Variants in PPFIA2 observed in about 807,000 individuals in gnomAD.
The protein encoded by PPFIA2 is liprin-alpha-2.
Under a neutral mutation model 175.5 loss-of-function variants are expected in PPFIA2, and 46 were observed. The observed-to-expected ratio is 0.26, with a 90% confidence interval of 0.21 to 0.34. The LOEUF (loss-of-function observed/expected upper bound fraction) is 0.34, where lower values mean the gene tolerates loss of function less well. Among genes scored for constraint, PPFIA2 ranks in the 10% least tolerant of loss-of-function variants. The probability of loss-of-function intolerance (pLI) is 1.00; values close to 1 mark genes in which losing one functional copy is unlikely to be tolerated. For synonymous variants in PPFIA2, 568 were observed against 511.4 expected, an observed-to-expected ratio of 1.11 and a Z score of -1.49; for missense variants, 1,179 against 1,506.1, an observed-to-expected ratio of 0.78 and a Z score of 3.60.
intron 4 of PPFIA2, among the ~76,000 whole-genome samples, chr12:81,533,695 C>CTATG (rs1054010504): frequency 1.5e-4 from 15 of 101,610 alleles, no homozygotes; most frequent in African/African-American, 5.5e-4. Context: ...ATTCACAAAT[C>CTATG]TATCTATCTA....
At chr12:81,671,907 T>C (rs2071498809) in intron 4 of PPFIA2, among the ~76,000 whole-genome samples, 1 of 151,970 alleles carries the variant, frequency 6.6e-6, no homozygotes, top group Admixed American at 6.6e-5. Context: ...AGCCCCTTTC[T>C]ATTCCCATCA....
In PPFIA2 at chr12:81,757,498, T is replaced by C. The variant is rs533325587; in HGVS notation, c.-3+902A>G. Among the ~76,000 whole-genome samples, 177 of 152,340 alleles carry C rather than the reference T, an allele frequency of 1.2e-3. 1 individual carries two copies. Among genetic ancestry groups the C allele is most frequent in the Non-Finnish European group, 2.1e-3 (146 of 68,026 alleles). ...AGGTTTTGAAACCTAGTCAGAGACATTGTTAATTTTGTTGAGAAAGAAAAA... is the reference window on the plus strand; with the variant it reads ...AGGTTTTGAAACCTAGTCAGAGACACTGTTAATTTTGTTGAGAAAGAAAAA... On this transcript the variant is annotated intron_variant, in intron 2 of 32. Transcript: ENST00000549396.
In PPFIA2 at chr12:81,491,377, A is replaced by C. The variant is rs190456919; in HGVS notation, c.304-33511T>G. 1.2e-3 allele frequency among the ~76,000 whole-genome samples: 181 copies of C among 151,954 alleles called. 3 individuals carry two copies. In the Middle Eastern group the frequency reaches 0.014, roughly 11 times the overall value. ...CTCCATTTATTTCCTCATTCTCCCCAAAAAAAGTCACCCCACCATTTGATA... is the reference window on the plus strand; with the variant it reads ...CTCCATTTATTTCCTCATTCTCCCCCAAAAAAGTCACCCCACCATTTGATA... On this transcript the variant is annotated intron_variant, in intron 4 of 32. Transcript: ENST00000549396.
At chr12:81,368,399 G>A (rs541534418) in intron 13 of PPFIA2, among the ~76,000 whole-genome samples, 7 of 151,580 alleles carry the variant, frequency 4.6e-5, no homozygotes, top group Non-Finnish European at 8.9e-5. Flanking sequence ...GTATTGACTT[G>A]TGTCTCATCA....
intron 22 of PPFIA2, among the ~76,000 whole-genome samples, chr12:81,323,521 A>G (rs908749491): frequency 6.6e-6 from 1 of 152,056 alleles, no homozygotes; most frequent in African/African-American, 2.4e-5. Context: ...CGGAACCCAG[A>G]AAAGAGTGTA....
At chr12:81,704,442 A>T (rs1047532041) in intron 3 of PPFIA2, among the ~76,000 whole-genome samples, 3 of 152,160 alleles carry the variant, frequency 2.0e-5, no homozygotes, top group South Asian at 4.1e-4. Flanking sequence ...CACACAAAAC[A>T]ACTTGAAAAG....
chr12:81,587,755 A>G (rs959470939), intron 4 of PPFIA2, among the ~76,000 whole-genome samples: 2 of 152,026 alleles, frequency 1.3e-5, no homozygotes, highest in Non-Finnish European at 2.9e-5. Flanking sequence ...TAGAGAACAG[A>G]ATAATATGCT....
intron 4 of PPFIA2, among the ~76,000 whole-genome samples, chr12:81,610,942 TGTG>T (rs1325862868): frequency 2.6e-5 from 4 of 152,138 alleles, no homozygotes; most frequent in Non-Finnish European, 4.4e-5. Flanking sequence ...GGATTTTTGT[TGTG>T]GGTGAATTCT....
chr12:81,377,188 T>C (rs1000708122), intron 9 of PPFIA2, among the ~76,000 whole-genome samples: 1 of 152,090 alleles, frequency 6.6e-6, no homozygotes, highest in Non-Finnish European at 1.5e-5. Flanking sequence ...ATGTACCATA[T>C]TTATACGTGC....
At chr12:81,286,014 T>C (rs531511962) in intron 24 of PPFIA2, among the ~76,000 whole-genome samples, 2 of 152,162 alleles carry the variant, frequency 1.3e-5, no homozygotes, top group East Asian at 1.9e-4. Flanking sequence ...GTGATACTGA[T>C]GGTCCCGATC....
chr12:81,469,990 T>C (rs903395869), intron 4 of PPFIA2, among the ~76,000 whole-genome samples: 2 of 152,238 alleles, frequency 1.3e-5, no homozygotes, highest in African/African-American at 4.8e-5. Context: ...GCTGAAACTC[T>C]GATCTCAGGT....
chr12:81,558,519 A>G (rs1158895587), intron 4 of PPFIA2, among the ~76,000 whole-genome samples: 2 of 152,208 alleles, frequency 1.3e-5, no homozygotes, highest in African/African-American at 4.8e-5. Context: ...GTGCTTTCAC[A>G]TGGAATATAG....
At chr12:81,538,990 A>C (rs989230994) in intron 4 of PPFIA2, among the ~76,000 whole-genome samples, 2 of 151,946 alleles carry the variant, frequency 1.3e-5, no homozygotes, top group Admixed American at 1.3e-4. Context: ...CAGATGAAAG[A>C]TGATGCTCAG....
chr12:81,631,657 C>T (rs2063400690), intron 4 of PPFIA2, among the ~76,000 whole-genome samples: 1 of 152,094 alleles, frequency 6.6e-6, no homozygotes, highest in Non-Finnish European at 1.5e-5. Flanking sequence ...TGGAAGATAC[C>T]ATTTCAACTA....
At chr12:81,502,666 GA>G (rs2060708590) in intron 4 of PPFIA2, among the ~76,000 whole-genome samples, 1 of 152,074 alleles carries the variant, frequency 6.6e-6, no homozygotes, top group Non-Finnish European at 1.5e-5. Context: ...TGTGCTAGGG[GA>G]AAAAGGTGAT....
At chr12:81,570,908 G>A (rs1468789498) in intron 4 of PPFIA2, among the ~76,000 whole-genome samples, 2 of 151,666 alleles carry the variant, frequency 1.3e-5, no homozygotes, top group Non-Finnish European at 2.9e-5. Context: ...TTCTTCTAAA[G>A]TTTTGACTGG....
At chr12:81,453,977 G>A (rs1481899105) in intron 5 of PPFIA2, among the ~76,000 whole-genome samples, 1 of 152,182 alleles carries the variant, frequency 6.6e-6, no homozygotes, top group Non-Finnish European at 1.5e-5. Context: ...CAGCACTTTG[G>A]GAGGTGAAGA....
At chr12:81,268,651 G>A (rs1171708158) in intron 28 of PPFIA2, among the ~76,000 whole-genome samples, 3 of 152,148 alleles carry the variant, frequency 2.0e-5, no homozygotes, top group African/African-American at 4.8e-5. Flanking sequence ...CTTCAGTCGC[G>A]TAGAACACGA....
intron 3 of PPFIA2, among the ~76,000 whole-genome samples, chr12:81,707,587 G>C (rs972610001): frequency 1.5e-4 from 22 of 149,706 alleles, no homozygotes; most frequent in Middle Eastern, 3.4e-3. Context: ...CTGTAAACTA[G>C]TTCAACCATT....
Sources: allele counts gnomAD v4.1 joint callset (sites outside exome capture counted in the v4.1 genomes callset), GRCh38; gene constraint gnomAD v4.1.1; transcripts MANE v1.5; gene names NCBI Gene and HGNC (gene_info 2026-07-23, HGNC 2026-07-21).